Variants in TACR1 observed in about 807,000 individuals in gnomAD.
TACR1 encodes substance-P receptor.
In TACR1, 25 loss-of-function variants were observed where a neutral mutation model predicts 35.8. The ratio of observed to expected loss-of-function variants is 0.70; its 90% CI spans 0.51 to 0.98. TACR1 has a LOEUF of 0.98. Among genes scored for constraint, TACR1 ranks in the 50% least tolerant of loss-of-function variants. The pLI, the probability that TACR1 is intolerant of heterozygous loss-of-function variation, is 0.00. For missense variants in TACR1, 478 were observed against 522.9 expected (o/e 0.91, Z 0.84); for synonymous variants, 195 against 206.7 (o/e 0.94, Z 0.48).
intron 2 of TACR1, among the ~76,000 whole-genome samples, chr2:75,098,147 A>C (rs1296343036): frequency 2.0e-5 from 3 of 152,200 alleles, no homozygotes; most frequent in African/African-American, 7.2e-5. Flanking sequence ...AAGTACTAGG[A>C]GACAGATTCA....
At chr2:75,149,579 A>G (rs1387953593) in intron 1 of TACR1, among the ~76,000 whole-genome samples, 2 of 152,122 alleles carry the variant, frequency 1.3e-5, no homozygotes, top group Admixed American at 6.5e-5. Context: ...TGATTTTTGC[A>G]CATTGATTTT....
chr2:75,069,522 A>G (rs1426746254), intron 2 of TACR1, among the ~76,000 whole-genome samples: 1 of 151,992 alleles, frequency 6.6e-6, no homozygotes, highest in African/African-American at 2.4e-5. Flanking sequence ...TAATATTGGC[A>G]TAGTATTAAC....
Position 75,098,992 on chromosome 2 carries a change from C to T in TACR1, c.584+21582G>A, listed in dbSNP as rs59256209. On this transcript the variant is annotated intron_variant, in intron 2 of 4. Coordinates refer to ENST00000305249, the MANE Select transcript of TACR1 (RefSeq NM_001058.4). ...TGGAGTGAGGGTTCTCCTGCTCCTCCGTGCCACTTCCAGACCACTTCCCCT... is the reference window on the plus strand; with the variant it reads ...TGGAGTGAGGGTTCTCCTGCTCCTCTGTGCCACTTCCAGACCACTTCCCCT... Among the ~76,000 whole-genome samples the T allele has an allele frequency of 8.2e-3, 1,246 of 152,038 alleles. 13 individuals are homozygous for T. Among genetic ancestry groups the T allele is most frequent in the African/African-American group, 0.029 (1,194 of 41,458 alleles).
At chr2:75,183,773 C>T (rs890570594) in intron 1 of TACR1, among the ~76,000 whole-genome samples, 1 of 152,202 alleles carries the variant, frequency 6.6e-6, no homozygotes, top group Non-Finnish European at 1.5e-5. Context: ...AATCCTCAAA[C>T]TACTGTGAAG....
intron 2 of TACR1, among the ~76,000 whole-genome samples, chr2:75,071,933 G>A (rs927994510): frequency 1.3e-5 from 2 of 152,174 alleles, no homozygotes; most frequent in Admixed American, 6.5e-5. Context: ...TTTCAGTGTC[G>A]GGATGGAGAC....
At chr2:75,115,157 A>G (rs1173269274) in intron 2 of TACR1, among the ~76,000 whole-genome samples, 2 of 151,648 alleles carry the variant, frequency 1.3e-5, no homozygotes, top group Non-Finnish European at 2.9e-5. Context: ...TTAATAACAT[A>G]GAAATTGTCT....
chr2:75,126,186 TC>T (rs1174623409), intron 1 of TACR1, among the ~76,000 whole-genome samples: 1 of 152,148 alleles, frequency 6.6e-6, no homozygotes, highest in African/African-American at 2.4e-5. Flanking sequence ...GATTTTCTGT[TC>T]CTGTGTTAGT....
chr2:75,084,240 C>G (rs1386950507), intron 2 of TACR1, among the ~76,000 whole-genome samples: 1 of 152,132 alleles, frequency 6.6e-6, no homozygotes, highest in Non-Finnish European at 1.5e-5. Flanking sequence ...TATTGATTTG[C>G]ATCTATTGAA....
At chr2:75,161,140 TAAAC>T (rs1455092674) in intron 1 of TACR1, among the ~76,000 whole-genome samples, 1 of 151,224 alleles carries the variant, frequency 6.6e-6, no homozygotes, top group African/African-American at 2.4e-5. Flanking sequence ...CCTGGAAAAA[TAAAC>T]AAAAACCAAA....
At chr2:75,151,929 T>C (rs1674681830) in intron 1 of TACR1, among the ~76,000 whole-genome samples, 1 of 152,170 alleles carries the variant, frequency 6.6e-6, no homozygotes, top group Non-Finnish European at 1.5e-5. Context: ...AAGGAGATCA[T>C]TCTGGAACTT....
At chr2:75,069,483 G>A (rs1228705687) in intron 2 of TACR1, among the ~76,000 whole-genome samples, 1 of 152,126 alleles carries the variant, frequency 6.6e-6, no homozygotes, top group Non-Finnish European at 1.5e-5. Context: ...CATGTTATTA[G>A]TGTAGTACAT....
At chr2:75,177,716 CACAA>C (rs919403184) in intron 1 of TACR1, among the ~76,000 whole-genome samples, 31 of 152,196 alleles carry the variant, frequency 2.0e-4, no homozygotes, top group Non-Finnish European at 4.6e-4. Flanking sequence ...TTACTCCTCT[CACAA>C]AACCCCAATG....
chr2:75,058,837 T>G (rs1672619337), intron 2 of TACR1, among the ~76,000 whole-genome samples: 1 of 152,222 alleles, frequency 6.6e-6, no homozygotes, highest in South Asian at 2.1e-4. Flanking sequence ...TCCTTATATC[T>G]CACTAGTGGG....
intron 1 of TACR1, among the ~76,000 whole-genome samples, chr2:75,145,848 G>A (rs1475770287): frequency 6.6e-6 from 1 of 152,222 alleles, no homozygotes; most frequent in African/African-American, 2.4e-5. Context: ...GTGGAGAGGT[G>A]CAGAAAGTAG....
intron 1 of TACR1, among the ~76,000 whole-genome samples, chr2:75,149,693 A>G (rs1031323659): frequency 1.3e-5 from 2 of 152,182 alleles, no homozygotes; most frequent in African/African-American, 4.8e-5. Context: ...GAACAGAGAC[A>G]ATTTGACTTC....
intron 1 of TACR1, among the ~76,000 whole-genome samples, chr2:75,191,770 G>A (rs1359786014): frequency 6.6e-6 from 1 of 152,080 alleles, no homozygotes; most frequent in African/African-American, 2.4e-5. Context: ...TGAGGCATCG[G>A]GTCTGGTTTT....
intron 1 of TACR1, among the ~76,000 whole-genome samples, chr2:75,133,623 G>T (rs553513744): frequency 6.6e-6 from 1 of 152,240 alleles, no homozygotes; most frequent in African/African-American, 2.4e-5. Context: ...TCTGGCTTCG[G>T]CACCTTTGGT....
chr2:75,086,212 G>T (rs1212311096), intron 2 of TACR1, among the ~76,000 whole-genome samples: 1 of 152,198 alleles, frequency 6.6e-6, no homozygotes, highest in Non-Finnish European at 1.5e-5. Flanking sequence ...AACTGGGAAT[G>T]TGTATCCTCT....
chr2:75,178,992 C>T (rs1675496316), intron 1 of TACR1, among the ~76,000 whole-genome samples: 1 of 152,204 alleles, frequency 6.6e-6, no homozygotes, highest in South Asian at 2.1e-4. Flanking sequence ...ATAAGTCCCA[C>T]ATCTGTATCC....
Sources: allele counts gnomAD v4.1 joint callset (sites outside exome capture counted in the v4.1 genomes callset), GRCh38; gene constraint gnomAD v4.1.1; transcripts MANE v1.5; gene names NCBI Gene and HGNC (gene_info 2026-07-23, HGNC 2026-07-21).